Variants in SNX4 observed in about 807,000 individuals in gnomAD.
SNX4 encodes the protein sorting nexin-4.
Under a neutral mutation model 70.8 loss-of-function variants are expected in SNX4, and 49 were observed. That is an observed-to-expected ratio of 0.69 (90% CI 0.55 to 0.88). SNX4 has a LOEUF of 0.88. SNX4 is among the 40% of genes least tolerant of loss of function. The pLI, the probability that SNX4 is intolerant of heterozygous loss-of-function variation, is 0.00. For missense variants in SNX4, 528 were observed against 544.8 expected, an observed-to-expected ratio of 0.97 and a Z score of 0.31; for synonymous variants, 206 against 183.8, an observed-to-expected ratio of 1.12 and a Z score of -0.98.
chr3:125,501,816 T>G (rs1226605516), intron 2 of SNX4, among the ~76,000 whole-genome samples: 1 of 152,242 alleles, frequency 6.6e-6, no homozygotes, highest in Non-Finnish European at 1.5e-5. Context: ...GAAAGTTGAC[T>G]CAATAATCCT....
At chr3:125,485,940 A>C (rs1934516443) in intron 6 of SNX4, among the ~76,000 whole-genome samples, 1 of 152,110 alleles carries the variant, frequency 6.6e-6, no homozygotes, top group Non-Finnish European at 1.5e-5. Context: ...TCCCGGGTTC[A>C]AGCAATTCTC....
rs762809084 is a variant in SNX4 at position 125,453,997 on chromosome 3, G to A, written c.1045-42C>T. ...ACAGATGAATGGATAAACAAAATGC[G>A]GCATACACATACACATACAATGGAA... On this transcript the variant is annotated intron_variant, in intron 11 of 13. Transcript: ENST00000251775. 1.4e-5 allele frequency: 21 copies of A among 1,550,368 alleles called. 1 individual carries two copies. The highest frequency in any genetic ancestry group is 1.7e-4 in the Middle Eastern group (1 of 5,944).
intron 5 of SNX4, among the ~76,000 whole-genome samples, chr3:125,496,104 A>G (rs1266550895): frequency 6.6e-6 from 1 of 152,188 alleles, no homozygotes; most frequent in African/African-American, 2.4e-5. Flanking sequence ...AGCCTGGGCA[A>G]CATAGTGAGA....
At chr3:125,495,383 G>T (rs574353689) in intron 5 of SNX4, among the ~76,000 whole-genome samples, 1 of 150,704 alleles carries the variant, frequency 6.6e-6, no homozygotes, top group African/African-American at 2.4e-5. Flanking sequence ...TTCCCTGATG[G>T]GAGGAAGGAC....
At position 125,447,601 on chromosome 3, in the gene SNX4, T is replaced by A; in HGVS notation, c.*178A>T. 2.1e-6 allele frequency: 1 copy of A among 468,396 alleles called. No individual in the cohort carries two copies. Among genetic ancestry groups the A allele is most frequent in the Non-Finnish European group, 3.7e-6 (1 of 271,592 alleles). 29.0% of individuals were successfully genotyped at this position (468,396 alleles called of 1,614,324 possible). ...AAACCTCAAATTATAATATTTAATC[T>A]TCATTAAAATATATTTTTTGTGCTA... On this transcript the variant is annotated 3_prime_UTR_variant, in exon 14 of 14. Coordinates refer to ENST00000251775, the MANE Select transcript of SNX4 (RefSeq NM_003794.4).
chr3:125,455,502 C>T (rs185017480), intron 11 of SNX4, among the ~76,000 whole-genome samples: 82 of 152,272 alleles, frequency 5.4e-4, no homozygotes, highest in African/African-American at 1.9e-3. Context: ...CATTTCCTCA[C>T]TCTCTGGAGT....
intron 4 of SNX4, 149 bp from the exon 5 acceptor site, chr3:125,497,537 T>G: frequency 3.2e-6 from 2 of 630,490 alleles, no homozygotes; most frequent in South Asian, 4.4e-5. Context: ...AATTAAACAT[T>G]CAATCCAACT....
rs569353299 is a variant in SNX4, at chr3:125,461,739, G to A, written c.855-879C>T. On this transcript the variant is annotated intron_variant, in intron 9 of 13. Transcript: ENST00000251775. ...TGCAGTGGCGCGATCTTGGCTCACT[G>A]CAAGCTCTGCCTCCCGGGTTCACGC... Among the ~76,000 whole-genome samples the A allele has an allele frequency of 2.0e-5, 3 of 151,264 alleles. No homozygotes were observed. In the South Asian group the frequency reaches 6.3e-4, roughly 32 times the overall value.
At chr3:125,462,593 CAAAAAAAA>C (rs34157775) in intron 9 of SNX4, among the ~76,000 whole-genome samples, 1,229 of 48,248 alleles carry the variant, frequency 0.025, 10 homozygotes, top group Middle Eastern at 0.14. Context: ...TCTGTCTCAC[CAAAAAAAA>C]AAAAAAAAAA....
rs534162972 is a variant in SNX4 at position 125,473,508 on chromosome 3, T to C, written c.788+3187A>G. The stretch of plus-strand genomic sequence containing the variant: ...TCGGCTCACTGCAACCTCCACCTCC[T>C]AGTTCAGGCAATTTTCCCACCTCAG... On this transcript the variant is annotated intron_variant, in intron 8 of 13. Transcript: ENST00000251775. Among the ~76,000 whole-genome samples the C allele has an allele frequency of 1.9e-4, 29 of 152,100 alleles. No individual in the cohort carries two copies. In the South Asian group the frequency reaches 4.4e-3, roughly 23 times the overall value.
Position 125,476,869 on chromosome 3 carries a change from AAAG to A in SNX4, c.727-116_727-114del, listed in dbSNP as rs1934301206. 2.0e-5 allele frequency: 12 copies of A among 596,626 alleles called. No individual in the cohort carries two copies. In the South Asian group the frequency reaches 2.2e-4, roughly 11 times the overall value. The allele number at this position is 596,626 out of a possible 1,614,324, so 37.0% of individuals were successfully genotyped here. On this transcript the variant is annotated intron_variant, in intron 7 of 13. Transcript: ENST00000251775. Reference sequence around the variant, plus strand: ...ACTACAATAAACTTGGAAATAGAAAAAAGAAAAATAGTAATCTCCAAAAATCCC... The same window carrying A: ...ACTACAATAAACTTGGAAATAGAAAAAAAAATAGTAATCTCCAAAAATCCC...
chr3:125,519,972 C>T, intron 1 of SNX4, 60 bp downstream of exon 1: 2 of 1,435,438 alleles, frequency 1.4e-6, no homozygotes, highest in Non-Finnish European at 1.8e-6. Flanking sequence ...CAGCCCAGCC[C>T]AGCCCGGCCC....
At chr3:125,457,431 G>A in intron 10 of SNX4, 66 bp from the exon 11 acceptor site, 1 of 1,210,344 alleles carries the variant, frequency 8.3e-7, no homozygotes, top group Non-Finnish European at 1.2e-6. Flanking sequence ...TTTTTCAAGG[G>A]TAGAGGAGAA....
At chr3:125,487,947 A>G (rs1474602137) in intron 6 of SNX4, among the ~76,000 whole-genome samples, 1 of 151,966 alleles carries the variant, frequency 6.6e-6, no homozygotes. Flanking sequence ...CCAAGTGTGA[A>G]CCCTAACATA....
chr3:125,461,082 C>T (rs552646336), intron 9 of SNX4, among the ~76,000 whole-genome samples: 59 of 152,092 alleles, frequency 3.9e-4, no homozygotes, highest in African/African-American at 1.4e-3. Flanking sequence ...AAAAATTAGC[C>T]GGAAGTGGGG....
At chr3:125,513,127 G>C (rs1036612756) in intron 1 of SNX4, among the ~76,000 whole-genome samples, 1 of 152,140 alleles carries the variant, frequency 6.6e-6, no homozygotes, top group African/African-American at 2.4e-5. Context: ...TTAGGAGGTG[G>C]GGCCTTTGGA....
chr3:125,451,767 C>T (rs910503524), intron 12 of SNX4, among the ~76,000 whole-genome samples: 1 of 152,030 alleles, frequency 6.6e-6, no homozygotes, highest in Admixed American at 6.6e-5. Context: ...GCTGGGATTA[C>T]AGGCACACGC....
chr3:125,461,047 G>A (rs1220713112), intron 9 of SNX4, among the ~76,000 whole-genome samples, 187 bp from the exon 10 acceptor site: 9 of 152,138 alleles, frequency 5.9e-5, no homozygotes, highest in African/African-American at 1.2e-4. Flanking sequence ...CCAACGTGGT[G>A]AAACCCTGTC....
At chr3:125,504,390 A>AT (rs1390997835) in intron 2 of SNX4, among the ~76,000 whole-genome samples, 2 of 151,436 alleles carry the variant, frequency 1.3e-5, no homozygotes, top group East Asian at 3.9e-4. Flanking sequence ...CCAGCTACTC[A>AT]GGAAACTGAG....
Sources: gnomAD v4.1 joint callset for allele counts (sites outside exome capture counted in the v4.1 genomes callset) on GRCh38, gnomAD v4.1.1 for gene constraint, MANE v1.5 for transcripts, NCBI Gene and HGNC (gene_info 2026-07-23, HGNC 2026-07-21) for gene names.